Variants in DICER1 observed in about 807,000 individuals in gnomAD.
The protein encoded by DICER1 is dicer 1, ribonuclease III.
A neutral mutation model predicts 194.1 loss-of-function variants in DICER1; 43 were observed. That is an observed-to-expected ratio of 0.22 (90% CI 0.17 to 0.29). The LOEUF is 0.29. Ranked by LOEUF, DICER1 falls within the 10% of genes least tolerant of loss-of-function variation. DICER1 has a pLI of 1.00. For missense variants in DICER1, 1,608 were observed against 2,317.0 expected, an observed-to-expected ratio of 0.69 and a Z score of 6.28; for synonymous variants, 832 against 820.5, an observed-to-expected ratio of 1.01 and a Z score of -0.24.
Position 95,103,568 on chromosome 14 carries a change from A to T in DICER1, c.3828T>A (p.Asp1276Glu), listed in dbSNP as rs753013678. The T allele has an allele frequency of 5.9e-5, 95 of 1,614,070 alleles. No homozygotes were observed. Among genetic ancestry groups the T allele is most frequent in the Non-Finnish European group, 2.5e-6 (3 of 1,180,042 alleles). Residue 1276 changes from aspartate (D) to glutamate (E), a missense_variant, in exon 21 of 27, where the codon GAT (aspartate) becomes GAA (glutamate). Coordinates refer to ENST00000343455, the MANE Select transcript of DICER1 (RefSeq NM_177438.3). ...ACCCAATAGAAGGGCTCTGCTCAGA[A>T]TCCATCCTGCCCTTGAGCACTTGAA... Reference protein sequence around the residue: ...DTIQVLKGRMDSEQSPSIGYS... With the variant: ...DTIQVLKGRMESEQSPSIGYS...
At chr14:95,091,454 T>C in intron 24 of DICER1, 89 bp from the exon 25 acceptor site, 1 of 1,209,674 alleles carries the variant, frequency 8.3e-7, no homozygotes, top group Non-Finnish European at 1.2e-6. Flanking sequence ...GATATATGAC[T>C]TTTGTTACTT....
intron 1 of DICER1, among the ~76,000 whole-genome samples, chr14:95,146,621 C>A (rs188075656): frequency 1.3e-5 from 2 of 152,302 alleles, no homozygotes; most frequent in African/African-American, 4.8e-5. Context: ...AACTCAGGAA[C>A]CGCCAAACGT....
At chr14:95,138,422 AAAC>A (rs1894578617) in intron 1 of DICER1, among the ~76,000 whole-genome samples, 2 of 152,248 alleles carry the variant, frequency 1.3e-5, no homozygotes, top group South Asian at 4.1e-4. Flanking sequence ...AATAAATATC[AAAC>A]AATAAAGAAA....
At chr14:95,127,324 A>C (rs1893559696) in intron 6 of DICER1, among the ~76,000 whole-genome samples, 1 of 152,242 alleles carries the variant, frequency 6.6e-6, no homozygotes, top group Non-Finnish European at 1.5e-5. Context: ...TCAATATAAA[A>C]GGCAGGCTTA....
At chr14:95,126,045 T>C (rs1893428445) in intron 7 of DICER1, among the ~76,000 whole-genome samples, 1 of 151,354 alleles carries the variant, frequency 6.6e-6, no homozygotes, top group Admixed American at 6.6e-5. Flanking sequence ...CTTTAATGAA[T>C]CAGATTACTG....
At chr14:95,141,392 G>A (rs766443584) in intron 1 of DICER1, among the ~76,000 whole-genome samples, 2 of 152,130 alleles carry the variant, frequency 1.3e-5, no homozygotes, top group South Asian at 2.1e-4. Flanking sequence ...CAAAAACTAA[G>A]AAAGCATAAA....
In DICER1 at chr14:95,090,280, T is replaced by C; in HGVS notation, c.*218A>G. On this transcript the variant is annotated 3_prime_UTR_variant, in exon 27 of 27. Transcript: ENST00000343455. ...CAGAAGTGAGGAAAGAAGATAAGAT[T>C]GTGTTTGCGCAAAAAACTAAAACTA... 1.7e-6 allele frequency: 1 copy of C among 588,004 alleles called. No homozygotes were observed. Among genetic ancestry groups the C allele is most frequent in the Non-Finnish European group, 3.0e-6 (1 of 333,494 alleles). 36.4% of individuals were successfully genotyped at this position (588,004 alleles called of 1,614,324 possible).
chr14:95,153,138 G>A (rs7157100), intron 1 of DICER1, among the ~76,000 whole-genome samples: 62,037 of 151,492 alleles, frequency 0.41, 14,947 homozygotes, highest in African/African-American at 0.68. Context: ...AATGGCATGA[G>A]CCCAGGAGGC....
rs1211039308 is a variant in DICER1, at chr14:95,086,257, A to C, written c.*4241T>G. ...CAGACGATAACTTTATTGGAGATTT[A>C]CTTGGCTACAATTATTACAAAAAAA... On this transcript the variant is annotated 3_prime_UTR_variant, in exon 27 of 27. Transcript: ENST00000343455. The C allele has an allele frequency of 1.3e-5, 3 of 232,602 alleles. No individual in the cohort carries two copies. The highest frequency in any genetic ancestry group is 1.7e-5 in the Non-Finnish European group (2 of 117,676). The allele number at this position is 232,602 out of a possible 1,614,324, so 14.4% of individuals were successfully genotyped here.
At chr14:95,121,508 T>G (rs1444877653) in intron 8 of DICER1, among the ~76,000 whole-genome samples, 2 of 152,108 alleles carry the variant, frequency 1.3e-5, no homozygotes, top group Admixed American at 1.3e-4. Flanking sequence ...TTCCAACTTT[T>G]CTGTAAATCT....
At chr14:95,118,800 TA>T (rs77503343) in intron 8 of DICER1, among the ~76,000 whole-genome samples, 8,103 of 144,646 alleles carry the variant, frequency 0.056, 576 homozygotes, top group African/African-American at 0.17. Context: ...ATCATTCTTT[TA>T]AAAAAAAAAA....
At chr14:95,148,729 C>T (rs141749451) in intron 1 of DICER1, among the ~76,000 whole-genome samples, 58 of 152,298 alleles carry the variant, frequency 3.8e-4, no homozygotes, top group Non-Finnish European at 7.4e-4. Flanking sequence ...GCCAAAGGTC[C>T]GCTTACTTCT....
Position 95,117,742 on chromosome 14 carries a change from T to C in DICER1, c.1389A>G (p.Glu463=), listed in dbSNP as rs771833246. The part of the protein sequence containing the change: ...TAVVLNRLIK[E]AGKQDPELAY... ...CCAGCTCTGGATCTTGTTTGCCAGC[T>C]TCCTTTATCAATCTAAGAAAATTAT... Residue 463 remains glutamate, a synonymous_variant, in exon 9 of 27, where the codon GAA becomes GAG. Transcript: ENST00000343455. 4 of 1,613,946 alleles carry C rather than the reference T, an allele frequency of 2.5e-6. No homozygotes were observed. In the Admixed American group the frequency reaches 6.7e-5, roughly 27 times the overall value.
In DICER1 at chr14:95,107,862, A is replaced by T. The variant is rs1247461223; in HGVS notation, c.2650+18T>A. ...TATATGTGTCTAGAGTTATCAAAGT[A>T]AGAGATTTTTTTCTTACCAACATTA... On this transcript the variant is annotated intron_variant, in intron 16 of 26. Transcript: ENST00000343455. 6.2e-7 allele frequency: 1 copy of T among 1,611,042 alleles called. No homozygotes were observed.
In DICER1 at chr14:95,124,711, T is replaced by C. The variant is rs1230706979; in HGVS notation, c.904-43A>G. On this transcript the variant is annotated intron_variant, in intron 7 of 26. Transcript: ENST00000343455. This position sits in a 1 kb window ranked among gnomAD's most constrained non-coding sequence, Gnocchi z 4.5. ...GAAAAAACCTAATGCCAAATAATAA[T>C]AATGTAGCATTTTCATGTGGGGTTT... 1.4e-6 allele frequency: 2 copies of C among 1,465,070 alleles called. No individual in the cohort carries two copies. The highest frequency in any genetic ancestry group is 1.9e-6 in the Non-Finnish European group (2 of 1,047,528). The allele number at this position is 1,465,070 out of a possible 1,614,324, so 90.8% of individuals were successfully genotyped here.
rs1595411143 is a variant in DICER1 at position 95,116,549 on chromosome 14, T to C, written c.1656A>G (p.Arg552=). 1.9e-6 allele frequency: 3 copies of C among 1,614,018 alleles called. No individual in the cohort carries two copies. Among genetic ancestry groups the C allele is most frequent in the Non-Finnish European group, 2.5e-6 (3 of 1,180,006 alleles). ...EYRSYVQSKG[R]ARAPISNYIM... ...TATAATTAGAGATGGGTGCCCTTGC[T>C]CTTCCTTTAGATTGAACATAGGATC... Residue 552 remains arginine (R), a synonymous_variant, in exon 10 of 27, where the codon AGA becomes AGG. Transcript: ENST00000343455.
At chr14:95,122,641 C>A (rs936555690) in intron 8 of DICER1, among the ~76,000 whole-genome samples, 24 of 152,316 alleles carry the variant, frequency 1.6e-4, no homozygotes, top group East Asian at 3.9e-4. Context: ...ATTTAACTTA[C>A]AGCAAATCAC....
chr14:95,142,234 A>G (rs1894869255), intron 1 of DICER1, among the ~76,000 whole-genome samples: 1 of 152,072 alleles, frequency 6.6e-6, no homozygotes. Flanking sequence ...CTGTAGTCCC[A>G]AAAGATTACC....
intron 21 of DICER1, among the ~76,000 whole-genome samples, chr14:95,102,435 T>A (rs1171321195): frequency 6.6e-6 from 1 of 152,222 alleles, no homozygotes; most frequent in Non-Finnish European, 1.5e-5. Flanking sequence ...CCTTCCACGA[T>A]ACAGCTTCAC....
Sources: gnomAD v4.1 joint callset for allele counts (sites outside exome capture counted in the v4.1 genomes callset) on GRCh38, gnomAD v4.1.1 for gene constraint, Gnocchi (gnomAD v3.1) non-coding constraint, MANE v1.5 for transcripts, NCBI Gene and HGNC (gene_info 2026-07-23, HGNC 2026-07-21) for gene names.